The following DCBLD2 variants were observed in gnomAD, a reference collection of about 807,000 sequenced individuals.
DCBLD2 encodes discoidin, CUB and LCCL domain-containing protein 2.
In DCBLD2, 54 loss-of-function variants were observed where a neutral mutation model predicts 86.8. The observed-to-expected ratio is 0.62, with a 90% CI of 0.50 to 0.78. The LOEUF (loss-of-function observed/expected upper bound fraction) is 0.78. DCBLD2 is among the 30% of genes least tolerant of loss of function. The probability of loss-of-function intolerance (pLI) is 0.00; values close to 1 mark genes in which losing one functional copy is unlikely to be tolerated. For missense variants in DCBLD2, 908 were observed against 954.2 expected (o/e 0.95, Z 0.64); for synonymous variants, 354 against 341.3 (o/e 1.04, Z -0.41).
chr3:98,860,307 A>G (rs1252482233), intron 2 of DCBLD2, among the ~76,000 whole-genome samples: 7 of 152,218 alleles, frequency 4.6e-5, no homozygotes, highest in Admixed American at 1.3e-4. Flanking sequence ...TCTGCAGGAT[A>G]TTATCCAGGA....
At chr3:98,866,206 A>G (rs903989530) in intron 2 of DCBLD2, among the ~76,000 whole-genome samples, 7 of 152,102 alleles carry the variant, frequency 4.6e-5, no homozygotes, top group Non-Finnish European at 8.8e-5. Flanking sequence ...ATGATTTATA[A>G]TCCTTTGGGT....
chr3:98,839,175 T>TCTTTC (rs1942569434), intron 3 of DCBLD2, among the ~76,000 whole-genome samples: 1 of 101,538 alleles, frequency 9.8e-6, no homozygotes, highest in Non-Finnish European at 2.2e-5. Flanking sequence ...TTCTTTCCTT[T>TCTTTC]CTTTCTTCCT....
intron 1 of DCBLD2, among the ~76,000 whole-genome samples, chr3:98,897,321 CG>C (rs928520896): frequency 6.6e-6 from 1 of 152,116 alleles, no homozygotes; most frequent in Non-Finnish European, 1.5e-5. Context: ...ATCATTCACA[CG>C]TGTGGATTGT....
rs755753217 is a variant in DCBLD2, at chr3:98,901,248, AGGCGGGGGCGGCGGCCGCGGCCCGGACTT to A, written c.50_78del (p.Gln17LeufsTer44). The stretch of plus-strand genomic sequence containing the variant: ...GAGCGGGAGAGGGGGAGCGCGGCCC[AGGCGGGGGCGGCGGCCGCGGCCCGGACTT>A]GGGGACACTGCGGGCAGCGCCTGGC... On this transcript the variant is annotated frameshift_variant, in exon 1 of 16. Transcript: ENST00000326840. LOFTEE classifies it high-confidence loss of function. 787 of 1,533,674 alleles carry A rather than the reference AGGCGGGGGCGGCGGCCGCGGCCCGGACTT, an allele frequency of 5.1e-4. 1 individual carries two copies. Among genetic ancestry groups the A allele is most frequent in the Non-Finnish European group, 6.5e-4 (744 of 1,146,118 alleles).
chr3:98,890,996 A>G (rs1192287180), intron 1 of DCBLD2, among the ~76,000 whole-genome samples: 4 of 152,106 alleles, frequency 2.6e-5, no homozygotes, highest in African/African-American at 9.7e-5. Flanking sequence ...CATGTCCAGC[A>G]GTGTGCTACT....
At chr3:98,862,981 A>C (rs9865496) in intron 2 of DCBLD2, among the ~76,000 whole-genome samples, 49,372 of 151,842 alleles carry the variant, frequency 0.33, 8,304 homozygotes, top group Non-Finnish European at 0.38. Context: ...CCCATCATCT[A>C]CGCCCAAAAT....
intron 9 of DCBLD2, chr3:98,813,023 A>G (rs1941964168): frequency 6.6e-6 from 1 of 152,216 alleles, no homozygotes; most frequent in Non-Finnish European, 1.5e-5. Context: ...CAGTTCTCCT[A>G]TTATCCCGGT....
chr3:98,889,725 A>G (rs1394501151), intron 1 of DCBLD2, among the ~76,000 whole-genome samples: 1 of 151,922 alleles, frequency 6.6e-6, no homozygotes, highest in African/African-American at 2.4e-5. Flanking sequence ...CTTCTCAAAT[A>G]CTCTATGGAC....
chr3:98,864,388 T>C (rs944177125), intron 2 of DCBLD2, among the ~76,000 whole-genome samples: 1 of 130,208 alleles, frequency 7.7e-6, no homozygotes, highest in African/African-American at 2.5e-5. Flanking sequence ...CATGTTGCTG[T>C]AAAGGCACAT....
intron 2 of DCBLD2, among the ~76,000 whole-genome samples, chr3:98,880,251 A>G (rs1943441709): frequency 6.6e-6 from 1 of 152,212 alleles, no homozygotes; most frequent in Non-Finnish European, 1.5e-5. Flanking sequence ...TTCACTAGAG[A>G]TGGAGAGGAA....
chr3:98,829,069 A>C (rs1327424197), intron 3 of DCBLD2, among the ~76,000 whole-genome samples: 1 of 152,178 alleles, frequency 6.6e-6, no homozygotes, highest in Admixed American at 6.5e-5. Context: ...TGGGGTGATA[A>C]ATATGTTCTA....
chr3:98,822,766 G>T, intron 4 of DCBLD2, 25 bp from the exon 5 acceptor site: 1 of 1,557,640 alleles, frequency 6.4e-7, no homozygotes, highest in South Asian at 1.2e-5. Context: ...CAAGCAAAAG[G>T]TTACATAATG....
chr3:98,859,475 C>CA (rs1559789395), intron 2 of DCBLD2, among the ~76,000 whole-genome samples: 3 of 152,198 alleles, frequency 2.0e-5, no homozygotes. Flanking sequence ...AGGCACCCCC[C>CA]AGTAGGGGCA....
intron 2 of DCBLD2, among the ~76,000 whole-genome samples, chr3:98,860,112 G>A (rs1461746060): frequency 6.6e-6 from 1 of 152,246 alleles, no homozygotes; most frequent in South Asian, 2.1e-4. Flanking sequence ...TCAACTGGAA[G>A]AAAGGGTATC....
chr3:98,864,449 C>A (rs528984898), intron 2 of DCBLD2, among the ~76,000 whole-genome samples: 2 of 152,132 alleles, frequency 1.3e-5, no homozygotes, highest in African/African-American at 4.8e-5. Context: ...GACTTGGAAC[C>A]AACCCAAATG....
chr3:98,797,380 T>A lies in DCBLD2; in HGVS notation c.*1992A>T, dbSNP rs768297338. The A allele has an allele frequency of 6.6e-6, 1 of 151,918 alleles. No individual in the cohort carries two copies. The highest frequency in any genetic ancestry group is 1.5e-5 in the Non-Finnish European group (1 of 67,920). The allele number at this position is 151,918 out of a possible 1,614,324, so 9.4% of individuals were successfully genotyped here. A position where few individuals can be genotyped will look rare whatever the true frequency, so the allele number is the denominator to read the frequency against. Reference sequence around the variant, plus strand: ...AGAATAGCAAACTTCTTTGGGAAAATGAAATAGTTACCAAAAACATCTCTC... The same window carrying A: ...AGAATAGCAAACTTCTTTGGGAAAAAGAAATAGTTACCAAAAACATCTCTC... On this transcript the variant is annotated 3_prime_UTR_variant, in exon 16 of 16. Coordinates refer to ENST00000326840, the MANE Select transcript of DCBLD2 (RefSeq NM_080927.4).
intron 12 of DCBLD2, among the ~76,000 whole-genome samples, chr3:98,810,371 G>C (rs540326270): frequency 8.7e-4 from 132 of 152,284 alleles, no homozygotes; most frequent in African/African-American, 2.8e-3. Context: ...GAACCAACAT[G>C]GGGAAAGTCA....
intron 3 of DCBLD2, among the ~76,000 whole-genome samples, chr3:98,832,814 GA>G (rs1942347187): frequency 6.6e-6 from 1 of 152,174 alleles, no homozygotes; most frequent in South Asian, 2.1e-4. Flanking sequence ...TTGCTAGCCT[GA>G]TGGGGTTCCC....
chr3:98,818,490 G>A (rs116062963), intron 8 of DCBLD2, among the ~76,000 whole-genome samples: 6 of 152,222 alleles, frequency 3.9e-5, no homozygotes, highest in African/African-American at 1.4e-4. Flanking sequence ...AAGCTATTAC[G>A]AATTAAATAC....
Sources: gnomAD v4.1 joint callset for allele counts (sites outside exome capture counted in the v4.1 genomes callset) on GRCh38, gnomAD v4.1.1 for gene constraint, MANE v1.5 for transcripts, NCBI Gene and HGNC (gene_info 2026-07-23, HGNC 2026-07-21) for gene names.